Variants in ZFYVE9 observed in about 807,000 individuals in gnomAD.
ZFYVE9 encodes zinc finger FYVE-type containing 9, also known as zinc finger FYVE domain-containing protein 9.
A neutral mutation model predicts 126.7 loss-of-function variants in ZFYVE9; 43 were observed. The observed-to-expected ratio is 0.34, with a 90% CI of 0.27 to 0.44. ZFYVE9 has a LOEUF of 0.44. Among genes scored for constraint, ZFYVE9 ranks in the 20% least tolerant of loss-of-function variants. The pLI is 1.00. For missense variants in ZFYVE9, 1,476 were observed against 1,697.0 expected (o/e 0.87, Z 2.29); for synonymous variants, 521 against 597.4 (o/e 0.87, Z 1.87).
chr1:52,190,253 A>G (rs544157128), intron 1 of ZFYVE9: 7 of 152,254 alleles, frequency 4.6e-5, no homozygotes, highest in Non-Finnish European at 1.0e-4. Context: ...GTTTCTTCAG[A>G]ATGATGTTGA....
chr1:52,179,813 G>C, intron 1 of ZFYVE9: 2 of 590,624 alleles, frequency 3.4e-6, no homozygotes, highest in South Asian at 1.8e-5. Context: ...TGTCTATTAG[G>C]GGGCACAGCT....
chr1:52,156,086 T>C (rs1476704491), intron 1 of ZFYVE9, among the ~76,000 whole-genome samples: 1 of 152,212 alleles, frequency 6.6e-6, no homozygotes, highest in Non-Finnish European at 1.5e-5. Context: ...CTCTGCAGAC[T>C]ATTATGATAG....
Position 52,161,516 on chromosome 1 carries a change from CTT to C in ZFYVE9, c.-143+19114_-143+19115del, listed in dbSNP as rs903395416. 2.7e-4 allele frequency among the ~76,000 whole-genome samples: 41 copies of C among 152,168 alleles called. 2 individuals carry two copies. Among genetic ancestry groups the C allele is most frequent in the Admixed American group, 1.6e-3 (24 of 15,280 alleles). On this transcript the variant is annotated intron_variant, in intron 1 of 18. Coordinates refer to ENST00000287727, the MANE Select transcript of ZFYVE9 (RefSeq NM_004799.4). ...ATGTTGCCCAGGCTGGTCTTGAACTCTTGAGCTCAGGCAATCCGCCTGCCTCA... is the reference window on the plus strand; with the variant it reads ...ATGTTGCCCAGGCTGGTCTTGAACTCGAGCTCAGGCAATCCGCCTGCCTCA...
intron 1 of ZFYVE9, among the ~76,000 whole-genome samples, chr1:52,206,180 C>T (rs1644976240): frequency 6.6e-6 from 1 of 152,184 alleles, no homozygotes; most frequent in African/African-American, 2.4e-5. Flanking sequence ...ATCTTTCAGG[C>T]ATAGCATAGA....
intron 1 of ZFYVE9, among the ~76,000 whole-genome samples, chr1:52,173,919 G>T (rs1171293879): frequency 6.6e-6 from 1 of 151,984 alleles, no homozygotes; most frequent in Non-Finnish European, 1.5e-5. Flanking sequence ...CTTGCTAGCG[G>T]TCTATCAGTT....
chr1:52,322,172 A>G (rs1373152332), intron 13 of ZFYVE9, among the ~76,000 whole-genome samples: 2 of 152,094 alleles, frequency 1.3e-5, no homozygotes, highest in Non-Finnish European at 2.9e-5. Flanking sequence ...TCATCTTTGA[A>G]TCTTCTTTTC....
At position 52,203,116 on chromosome 1, in the gene ZFYVE9, T is replaced by G. The variant is rs1268763698; in HGVS notation, c.-142-13253T>G. Among the ~76,000 whole-genome samples the G allele has an allele frequency of 2.6e-5, 4 of 152,304 alleles. 1 individual carries two copies. In the East Asian group the frequency reaches 7.7e-4, roughly 29 times the overall value. On this transcript the variant is annotated intron_variant, in intron 1 of 18. Coordinates refer to ENST00000287727, the MANE Select transcript of ZFYVE9 (RefSeq NM_004799.4). The stretch of plus-strand genomic sequence containing the variant: ...TTCTTCACTCCTCTTTCTCCTTGTT[T>G]AGGTTTCTTAGGATAAATTAGTTGT...
chr1:52,233,778 C>G (rs1475606633), intron 3 of ZFYVE9, among the ~76,000 whole-genome samples: 1 of 152,068 alleles, frequency 6.6e-6, no homozygotes. Flanking sequence ...TTAAGATTCA[C>G]TTCTTTTGTT....
intron 11 of ZFYVE9, among the ~76,000 whole-genome samples, chr1:52,294,098 A>C (rs904325114): frequency 4.6e-5 from 7 of 152,378 alleles, no homozygotes; most frequent in African/African-American, 1.7e-4. Flanking sequence ...AGGCTACAGA[A>C]GAAGGAGCTT....
chr1:52,160,283 A>C, intron 1 of ZFYVE9: 1 of 965,080 alleles, frequency 1.0e-6, no homozygotes. Flanking sequence ...AACAGTTCGA[A>C]TGCTCTTTCC....
intron 1 of ZFYVE9, among the ~76,000 whole-genome samples, chr1:52,211,938 A>G (rs921822128): frequency 1.3e-5 from 2 of 152,142 alleles, no homozygotes; most frequent in Non-Finnish European, 2.9e-5. Flanking sequence ...CATCATCTTT[A>G]TACCTGTGAC....
intron 1 of ZFYVE9, among the ~76,000 whole-genome samples, chr1:52,152,178 T>C (rs1277920269): frequency 6.6e-6 from 1 of 151,566 alleles, no homozygotes; most frequent in African/African-American, 2.4e-5. Context: ...TTAGTAGAGA[T>C]GGGATTTCAC....
intron 13 of ZFYVE9, among the ~76,000 whole-genome samples, chr1:52,315,885 G>C (rs187330375): frequency 2.0e-4 from 30 of 152,298 alleles, no homozygotes; most frequent in Middle Eastern, 6.8e-3. Flanking sequence ...CACGGCCGGG[G>C]CTGGGCGTGA....
In ZFYVE9 at chr1:52,142,551, C is replaced by T. The variant is rs2124482386; in HGVS notation, c.-143+148C>T. 1 of 152,284 alleles carries T rather than the reference C, an allele frequency of 6.6e-6. No individual in the cohort carries two copies. The highest frequency in any genetic ancestry group is 2.1e-4 in the South Asian group (1 of 4,832). The allele number at this position is 152,284 out of a possible 1,614,324, so 9.4% of individuals were successfully genotyped here. A position where few individuals can be genotyped will look rare whatever the true frequency, so the allele number is the denominator to read the frequency against. ...CGGTCCTGGGGCCTCAGCCCTTTCT[C>T]CCCGCGTCCCCCGGGAGGCTGAAGG... is the stretch of plus-strand genomic sequence containing the variant. On this transcript the variant is annotated intron_variant, in intron 1 of 18. Transcript: ENST00000287727. The surrounding 1 kb of genome is among the most constrained non-coding windows in gnomAD (Gnocchi z 4.5).
At position 52,346,313 on chromosome 1, in the gene ZFYVE9, T is replaced by C. The variant is rs1646483449; in HGVS notation, c.*92T>C. Reference sequence around the variant, plus strand: ...ACTTTAAAACTGGAAGATTAAGCTTTTGTTAACACTATTAATGGGGTGGGG... The same window carrying C: ...ACTTTAAAACTGGAAGATTAAGCTTCTGTTAACACTATTAATGGGGTGGGG... On this transcript the variant is annotated 3_prime_UTR_variant, in exon 19 of 19. Transcript: ENST00000287727. 7.4e-7 allele frequency: 1 copy of C among 1,351,180 alleles called. No individual in the cohort carries two copies. The highest frequency in any genetic ancestry group is 1.7e-5 in the South Asian group (1 of 58,738). The allele number at this position is 1,351,180 out of a possible 1,614,324, so 83.7% of individuals were successfully genotyped here. A position where few individuals can be genotyped will look rare whatever the true frequency, so the allele number is the denominator to read the frequency against.
intron 1 of ZFYVE9, among the ~76,000 whole-genome samples, chr1:52,187,140 T>C (rs180686431): frequency 6.6e-6 from 1 of 152,076 alleles, no homozygotes; most frequent in East Asian, 1.9e-4. Context: ...TGGAACAGAA[T>C]AGAGAGCCCA....
intron 13 of ZFYVE9, among the ~76,000 whole-genome samples, chr1:52,317,878 T>G (rs1054378278): frequency 6.6e-6 from 1 of 152,206 alleles, no homozygotes; most frequent in Non-Finnish European, 1.5e-5. Flanking sequence ...ATAGATAACC[T>G]AAATAGCCCT....
At chr1:52,232,993 T>G (rs531178255) in intron 2 of ZFYVE9, among the ~76,000 whole-genome samples, 178 bp from the exon 3 acceptor site, 1 of 152,222 alleles carries the variant, frequency 6.6e-6, no homozygotes, top group East Asian at 1.9e-4. Context: ...GATTGTCAGC[T>G]TACAGGTTTT....
At chr1:52,330,881 T>C (rs1646335045) in intron 13 of ZFYVE9, among the ~76,000 whole-genome samples, 1 of 152,152 alleles carries the variant, frequency 6.6e-6, no homozygotes, top group African/African-American at 2.4e-5. Flanking sequence ...TTTATTTTTA[T>C]TTTTTGAGAT....
Sources: allele counts gnomAD v4.1 joint callset (sites outside exome capture counted in the v4.1 genomes callset), GRCh38; gene constraint gnomAD v4.1.1; non-coding constraint Gnocchi (gnomAD v3.1); transcripts MANE v1.5; gene names NCBI Gene and HGNC (gene_info 2026-07-23, HGNC 2026-07-21).